GPC5: variants seen among roughly 807,000 people sequenced by gnomAD.
The protein encoded by GPC5 is glypican-5.
GPC5 carries 47 observed loss-of-function variants against 53.9 expected under a neutral mutation model. The observed-to-expected ratio is 0.87, with a 90% CI of 0.69 to 1.11. The LOEUF (loss-of-function observed/expected upper bound fraction) is 1.11. Among genes scored for constraint, GPC5 ranks in the 50% most tolerant of loss-of-function variants. The pLI, the probability that GPC5 is intolerant of heterozygous loss-of-function variation, is 0.00. For synonymous variants in GPC5, 286 were observed against 263.3 expected, an observed-to-expected ratio of 1.09 and a Z score of -0.84; for missense variants, 748 against 713.1, an observed-to-expected ratio of 1.05 and a Z score of -0.56.
At chr13:92,031,156 A>C (rs2040838270) in intron 6 of GPC5, among the ~76,000 whole-genome samples, 1 of 152,002 alleles carries the variant, frequency 6.6e-6, no homozygotes, top group Non-Finnish European at 1.5e-5. Flanking sequence ...ATTCAGGTTC[A>C]TGTGCCTTAC....
intron 7 of GPC5, among the ~76,000 whole-genome samples, chr13:92,380,355 A>G (rs552441570): frequency 1.3e-5 from 2 of 152,112 alleles, no homozygotes; most frequent in South Asian, 2.1e-4. Flanking sequence ...CTTTCTCCTC[A>G]TAGCTCTGCT....
intron 2 of GPC5, among the ~76,000 whole-genome samples, chr13:91,655,800 G>A (rs553383935): frequency 6.6e-6 from 1 of 152,138 alleles, no homozygotes; most frequent in African/African-American, 2.4e-5. Context: ...TAAAAATTAT[G>A]GAGTCAATTG....
intron 7 of GPC5, among the ~76,000 whole-genome samples, chr13:92,304,680 T>TTCG: frequency 6.6e-6 from 1 of 152,000 alleles, no homozygotes; most frequent in South Asian, 2.1e-4. Context: ...AATATGTAAG[T>TTCG]TAAATATTTC....
At chr13:92,210,244 A>T (rs752447893) in intron 7 of GPC5, among the ~76,000 whole-genome samples, 1 of 152,142 alleles carries the variant, frequency 6.6e-6, no homozygotes, top group Non-Finnish European at 1.5e-5. Flanking sequence ...ATGAGACCCT[A>T]TTTTAATTGA....
At chr13:92,126,831 T>TGG (rs2041701657) in intron 6 of GPC5, among the ~76,000 whole-genome samples, 1 of 150,920 alleles carries the variant, frequency 6.6e-6, no homozygotes, top group Admixed American at 6.6e-5. Context: ...TGTGTGTGTG[T>TGG]GTGTATGTAT....
At chr13:92,242,849 T>C (rs1277712585) in intron 7 of GPC5, among the ~76,000 whole-genome samples, 4 of 152,286 alleles carry the variant, frequency 2.6e-5, no homozygotes, top group South Asian at 4.1e-4. Flanking sequence ...TTCAATGTCC[T>C]TATAGCCAAC....
chr13:92,311,604 C>G, intron 7 of GPC5, among the ~76,000 whole-genome samples: 1 of 152,100 alleles, frequency 6.6e-6, no homozygotes, highest in South Asian at 2.1e-4. Flanking sequence ...AAAGAACAAA[C>G]AAAGTCACGT....
chr13:92,028,804 T>TA (rs1408810519), intron 6 of GPC5, among the ~76,000 whole-genome samples: 1 of 152,002 alleles, frequency 6.6e-6, no homozygotes, highest in Non-Finnish European at 1.5e-5. Context: ...ATTATTATAA[T>TA]AAAAAAAGCA....
chr13:91,425,667 C>G (rs1006892446), intron 1 of GPC5, among the ~76,000 whole-genome samples: 1 of 152,162 alleles, frequency 6.6e-6, no homozygotes, highest in Non-Finnish European at 1.5e-5. Context: ...ATTACCCAGT[C>G]TTGGGTATGT....
chr13:92,817,203 C>T (rs2078290999), intron 7 of GPC5, among the ~76,000 whole-genome samples: 1 of 152,014 alleles, frequency 6.6e-6, no homozygotes, highest in African/African-American at 2.4e-5. Flanking sequence ...CCCACACATA[C>T]ACAAACTTTC....
chr13:92,257,481 A>G (rs961747459), intron 7 of GPC5, among the ~76,000 whole-genome samples: 8 of 150,840 alleles, frequency 5.3e-5, no homozygotes, highest in African/African-American at 4.9e-5. Context: ...ATTATGTGCA[A>G]GATTCTCTGC....
intron 2 of GPC5, among the ~76,000 whole-genome samples, chr13:91,459,096 C>G (rs1211539184): frequency 2.0e-5 from 3 of 151,934 alleles, no homozygotes; most frequent in Admixed American, 6.6e-5. Flanking sequence ...AAAGACTACA[C>G]TGGGTACAGT....
intron 7 of GPC5, among the ~76,000 whole-genome samples, chr13:92,702,254 T>C (rs1256576296): frequency 6.6e-6 from 1 of 152,152 alleles, no homozygotes; most frequent in Non-Finnish European, 1.5e-5. Flanking sequence ...TCTTTTCCAG[T>C]GTGTGGCTTT....
At chr13:92,630,833 T>C (rs1231191540) in intron 7 of GPC5, among the ~76,000 whole-genome samples, 3 of 152,142 alleles carry the variant, frequency 2.0e-5, no homozygotes, top group African/African-American at 7.2e-5. Flanking sequence ...TATATACTTA[T>C]CCATCTCCAA....
chr13:91,888,240 T>A (rs2039347027), intron 5 of GPC5, among the ~76,000 whole-genome samples: 1 of 152,138 alleles, frequency 6.6e-6, no homozygotes, highest in Non-Finnish European at 1.5e-5. Context: ...GTGAAACTTA[T>A]TCACGATCAC....
At chr13:91,887,130 G>A (rs539549139) in intron 5 of GPC5, among the ~76,000 whole-genome samples, 3 of 152,244 alleles carry the variant, frequency 2.0e-5, no homozygotes, top group East Asian at 3.9e-4. Context: ...TGAAATCTAG[G>A]TGGAGGTCCC....
chr13:92,515,394 C>G (rs2138959084), intron 7 of GPC5, among the ~76,000 whole-genome samples: 1 of 152,216 alleles, frequency 6.6e-6, no homozygotes, highest in Non-Finnish European at 1.5e-5. Flanking sequence ...TAATGTGTTT[C>G]TTTCATCTAA....
At position 92,651,213 on chromosome 13, in the gene GPC5, G is replaced by C. The variant is rs187571983; in HGVS notation, c.1562-215069G>C. 2.0e-3 allele frequency among the ~76,000 whole-genome samples: 304 copies of C among 149,730 alleles called. 2 individuals are homozygous for C. Among genetic ancestry groups the C allele is most frequent in the South Asian group, 5.5e-3 (26 of 4,712 alleles). ...TCCTATTAGTTCTATCCGTCTAAGA[G>C]AGACCTGACCAATACACCATATGAA... On this transcript the variant is annotated intron_variant, in intron 7 of 7. Coordinates refer to ENST00000377067, the MANE Select transcript of GPC5 (RefSeq NM_004466.6).
chr13:92,527,107 A>AGG (rs77704633), intron 7 of GPC5, among the ~76,000 whole-genome samples: 2 of 39,984 alleles, frequency 5.0e-5, no homozygotes, highest in East Asian at 1.4e-3. Context: ...AAAAGAAAGA[A>AGG]AAAAGAAAGA....
Sources: gnomAD v4.1 joint callset for allele counts (sites outside exome capture counted in the v4.1 genomes callset) on GRCh38, gnomAD v4.1.1 for gene constraint, MANE v1.5 for transcripts, NCBI Gene and HGNC (gene_info 2026-07-23, HGNC 2026-07-21) for gene names.